FHOD3: variants seen among roughly 807,000 people sequenced by gnomAD.
The protein encoded by FHOD3 is FH1/FH2 domain-containing protein 3.
In FHOD3, 90 loss-of-function variants were observed where a neutral mutation model predicts 173.0. The observed-to-expected ratio is 0.52, with a 90% CI of 0.44 to 0.62. FHOD3 has a LOEUF of 0.62. FHOD3 is among the 20% of genes least tolerant of loss of function. FHOD3 has a pLI of 0.00. For synonymous variants in FHOD3, 828 were observed against 823.0 expected (o/e 1.01, Z -0.10); for missense variants, 1,945 against 2,034.7 (o/e 0.96, Z 0.85).
chr18:36,309,307 G>GGCAA (rs150144960), intron 1 of FHOD3, among the ~76,000 whole-genome samples: 2,887 of 152,274 alleles, frequency 0.019, 48 homozygotes, highest in Non-Finnish European at 0.028. Context: ...GGGTCCCTGA[G>GGCAA]GCAAGTGTGG....
chr18:36,637,007 C>T (rs1177133548), intron 10 of FHOD3, among the ~76,000 whole-genome samples: 1 of 151,996 alleles, frequency 6.6e-6, no homozygotes, highest in Non-Finnish European at 1.5e-5. Context: ...TATGAAGTAC[C>T]TTGGACTCTA....
At position 36,458,983 on chromosome 18, in the gene FHOD3, G is replaced by A. The variant is rs922827056; in HGVS notation, c.338-42949G>A. On this transcript the variant is annotated intron_variant, in intron 3 of 28. Coordinates refer to ENST00000590592, the MANE Select transcript of FHOD3 (RefSeq NM_001281740.3). Reference sequence around the variant, plus strand: ...GCCATGACCCCTGCTTTGCCCAGGGGTGGCTTTCAGGGCAGTGTTCCTAAT... The same window carrying A: ...GCCATGACCCCTGCTTTGCCCAGGGATGGCTTTCAGGGCAGTGTTCCTAAT... 2.6e-5 allele frequency among the ~76,000 whole-genome samples: 4 copies of A among 152,178 alleles called. No individual in the cohort carries two copies. The South Asian group carries it at 8.3e-4, about 31-fold the overall frequency.
intron 5 of FHOD3, among the ~76,000 whole-genome samples, chr18:36,532,649 C>T (rs1353125776): frequency 2.0e-5 from 3 of 152,340 alleles, no homozygotes; most frequent in Admixed American, 1.3e-4. Flanking sequence ...TCCCAACCCT[C>T]TTTGTGTGAA....
At chr18:36,637,324 G>T (rs1292509369) in intron 10 of FHOD3, among the ~76,000 whole-genome samples, 1 of 152,166 alleles carries the variant, frequency 6.6e-6, no homozygotes, top group African/African-American at 2.4e-5. Context: ...GTTTTTCTGA[G>T]ACAGAGTCTT....
At chr18:36,693,067 C>A in intron 16 of FHOD3, 142 bp from the exon 17 acceptor site, 1 of 784,506 alleles carries the variant, frequency 1.3e-6, no homozygotes, top group Non-Finnish European at 2.0e-6. Flanking sequence ...GTGTTTTTGG[C>A]AGGCTGACTC....
At chr18:36,719,010 C>T (rs2040615603) in intron 19 of FHOD3, among the ~76,000 whole-genome samples, 1 of 152,220 alleles carries the variant, frequency 6.6e-6, no homozygotes, top group African/African-American at 2.4e-5. Flanking sequence ...GGAATGTCAG[C>T]ATAGCCCAAT....
At chr18:36,673,641 G>A (rs2149337510) in intron 14 of FHOD3, among the ~76,000 whole-genome samples, 1 of 152,244 alleles carries the variant, frequency 6.6e-6, no homozygotes, top group Middle Eastern at 3.4e-3. Context: ...CCTGGGATCT[G>A]GACAGGGGTT....
intron 19 of FHOD3, among the ~76,000 whole-genome samples, chr18:36,729,490 C>A (rs1472775438): frequency 6.6e-6 from 1 of 152,206 alleles, no homozygotes; most frequent in Non-Finnish European, 1.5e-5. Flanking sequence ...ACCTAAACAG[C>A]AGAAATTTAT....
chr18:36,424,312 C>G (rs1464710442), intron 3 of FHOD3, among the ~76,000 whole-genome samples: 1 of 152,160 alleles, frequency 6.6e-6, no homozygotes, highest in Admixed American at 6.5e-5. Context: ...CTGTGCTGTG[C>G]TTTTATTAGG....
At chr18:36,553,507 G>A (rs2057748683) in intron 5 of FHOD3, among the ~76,000 whole-genome samples, 1 of 152,030 alleles carries the variant, frequency 6.6e-6, no homozygotes, top group Admixed American at 6.6e-5. Flanking sequence ...GCCTGCTATT[G>A]GTCTATTCAG....
At chr18:36,526,374 A>G (rs1326860333) in intron 5 of FHOD3, among the ~76,000 whole-genome samples, 3 of 152,180 alleles carry the variant, frequency 2.0e-5, no homozygotes, top group Non-Finnish European at 4.4e-5. Flanking sequence ...ATTTATTTCA[A>G]AGATAGTTAT....
intron 19 of FHOD3, 57 bp from the exon 20 acceptor site, chr18:36,730,589 T>G (rs572944188): frequency 1.3e-6 from 2 of 1,550,702 alleles, no homozygotes; most frequent in African/African-American, 2.7e-5. Context: ...AATAATGAAA[T>G]GCAGAAAGGA....
At chr18:36,512,895 C>T (rs77722744) in intron 5 of FHOD3, among the ~76,000 whole-genome samples, 9 of 152,286 alleles carry the variant, frequency 5.9e-5, no homozygotes, top group African/African-American at 2.2e-4. Flanking sequence ...CCACCCCAAA[C>T]CAAAGGGGGC....
At chr18:36,406,583 C>T (rs2049083389) in intron 3 of FHOD3, among the ~76,000 whole-genome samples, 1 of 152,052 alleles carries the variant, frequency 6.6e-6, no homozygotes, top group Non-Finnish European at 1.5e-5. Context: ...TGAAAATCTG[C>T]CCCCCGCCCT....
intron 1 of FHOD3, among the ~76,000 whole-genome samples, chr18:36,320,880 G>A (rs1239891540): frequency 2.0e-5 from 3 of 152,196 alleles, no homozygotes; most frequent in Admixed American, 2.0e-4. Flanking sequence ...AAGAAAACAG[G>A]CAGAAATCCT....
chr18:36,468,904 A>G (rs1442281750), intron 3 of FHOD3, among the ~76,000 whole-genome samples: 2 of 152,196 alleles, frequency 1.3e-5, no homozygotes, highest in African/African-American at 2.4e-5. Context: ...TTGAGGCGGC[A>G]GGTCTGGAAA....
intron 17 of FHOD3, among the ~76,000 whole-genome samples, chr18:36,706,702 A>G (rs1292220334): frequency 6.6e-6 from 1 of 152,196 alleles, no homozygotes; most frequent in Non-Finnish European, 1.5e-5. Context: ...GGTGGTGAGT[A>G]GACACAGGCT....
At chr18:36,468,523 G>A (rs2053085155) in intron 3 of FHOD3, among the ~76,000 whole-genome samples, 1 of 152,176 alleles carries the variant, frequency 6.6e-6, no homozygotes, top group Non-Finnish European at 1.5e-5. Context: ...GCTCCTTCTG[G>A]CTGTGCCCTG....
At chr18:36,318,934 G>A (rs989841403) in intron 1 of FHOD3, among the ~76,000 whole-genome samples, 4 of 152,114 alleles carry the variant, frequency 2.6e-5, no homozygotes, top group African/African-American at 9.7e-5. Flanking sequence ...TAGCAGGAAG[G>A]GCTGTTGAAT....
Sources: allele counts gnomAD v4.1 joint callset (sites outside exome capture counted in the v4.1 genomes callset), GRCh38; gene constraint gnomAD v4.1.1; transcripts MANE v1.5; gene names NCBI Gene and HGNC (gene_info 2026-07-23, HGNC 2026-07-21).